Variants in NOL4 observed in about 807,000 individuals in gnomAD.
NOL4 encodes the protein cancer/testis antigen 125.
A neutral mutation model predicts 75.9 loss-of-function variants in NOL4; 17 were observed. The observed-to-expected ratio is 0.22, with a 90% CI of 0.15 to 0.34. The LOEUF (loss-of-function observed/expected upper bound fraction) is 0.34. NOL4 is among the 10% of genes least tolerant of loss of function. NOL4 has a pLI of 1.00. For synonymous variants in NOL4, 292 were observed against 289.9 expected (o/e 1.01, Z -0.07); for missense variants, 614 against 793.5 (o/e 0.77, Z 2.72).
intron 9 of NOL4, among the ~76,000 whole-genome samples, chr18:33,937,304 A>C (rs1471269543): frequency 6.6e-6 from 1 of 152,118 alleles, no homozygotes; most frequent in Non-Finnish European, 1.5e-5. Context: ...GGAATAAAGT[A>C]TTTAACACAT....
Position 34,217,589 on chromosome 18 carries a change from G to A in NOL4, c.264+5401C>T, listed in dbSNP as rs557485778. Among the ~76,000 whole-genome samples the A allele has an allele frequency of 1.3e-3, 195 of 152,056 alleles. 1 individual carries two copies. The highest frequency in any genetic ancestry group is 1.7e-3 in the Non-Finnish European group (116 of 67,994). On this transcript the variant is annotated intron_variant, in intron 1 of 10. Coordinates refer to ENST00000261592, the MANE Select transcript of NOL4 (RefSeq NM_003787.5). ...GGCATGAGCCACCGCGCTTGACCTT[G>A]TATTTTAGCTCCGTGTTGCAATGTG...
At chr18:34,043,955 G>C (rs2076250738) in intron 5 of NOL4, among the ~76,000 whole-genome samples, 2 of 151,914 alleles carry the variant, frequency 1.3e-5, no homozygotes, top group African/African-American at 4.8e-5. Flanking sequence ...CTCTCTCATG[G>C]GATAAATAAA....
intron 9 of NOL4, among the ~76,000 whole-genome samples, chr18:33,892,482 G>A (rs1451689773): frequency 6.6e-6 from 1 of 152,048 alleles, no homozygotes; most frequent in South Asian, 2.1e-4. Flanking sequence ...TCATCATTAT[G>A]AGTTCCCAAA....
intron 2 of NOL4, among the ~76,000 whole-genome samples, chr18:34,107,961 T>A (rs2079389171): frequency 6.6e-6 from 1 of 152,144 alleles, no homozygotes; most frequent in South Asian, 2.1e-4. Flanking sequence ...ATTATATATG[T>A]CAACTCTCCC....
At chr18:34,169,166 ATTG>A (rs1265650956) in intron 1 of NOL4, among the ~76,000 whole-genome samples, 2 of 151,990 alleles carry the variant, frequency 1.3e-5, no homozygotes, top group South Asian at 2.1e-4. Context: ...TATGATTTTT[ATTG>A]TTATTTTCTA....
At chr18:34,061,161 T>G (rs2077049774) in intron 5 of NOL4, among the ~76,000 whole-genome samples, 2 of 152,152 alleles carry the variant, frequency 1.3e-5, no homozygotes, top group Admixed American at 1.3e-4. Context: ...TTATAAGATA[T>G]AAAAATGTAA....
intron 1 of NOL4, among the ~76,000 whole-genome samples, chr18:34,132,607 G>A (rs1290269088): frequency 6.6e-6 from 1 of 152,086 alleles, no homozygotes; most frequent in Non-Finnish European, 1.5e-5. Flanking sequence ...TGCCTTCAGA[G>A]GTTAGGTCTA....
intron 1 of NOL4, among the ~76,000 whole-genome samples, chr18:34,175,003 GA>G (rs2033410872): frequency 6.6e-6 from 1 of 152,134 alleles, no homozygotes; most frequent in Non-Finnish European, 1.5e-5. Flanking sequence ...TCTAGAACTA[GA>G]AATACCATTT....
chr18:33,968,554 T>C (rs187731186), intron 6 of NOL4, among the ~76,000 whole-genome samples: 32 of 152,276 alleles, frequency 2.1e-4, no homozygotes, highest in Middle Eastern at 3.4e-3. Context: ...TCAACACTTA[T>C]AAGGGAATAT....
chr18:34,165,778 A>G (rs1195551237), intron 1 of NOL4, among the ~76,000 whole-genome samples: 2 of 152,010 alleles, frequency 1.3e-5, no homozygotes, highest in Admixed American at 6.6e-5. Context: ...ACCAGAGGTG[A>G]TTCTTTTTTT....
chr18:34,191,629 T>G (rs919811212), intron 1 of NOL4, among the ~76,000 whole-genome samples: 2 of 152,130 alleles, frequency 1.3e-5, no homozygotes, highest in Non-Finnish European at 1.5e-5. Context: ...AAAGACTGTT[T>G]TATTCTTTTA....
intron 9 of NOL4, among the ~76,000 whole-genome samples, chr18:33,901,236 A>AT (rs960105890): frequency 3.3e-5 from 5 of 152,072 alleles, no homozygotes; most frequent in East Asian, 3.9e-4. Flanking sequence ...TGTTTATGTG[A>AT]TTTTTTTGAC....
rs532445797 is a variant in NOL4 at position 34,054,396 on chromosome 18, G to A, written c.773-34795C>T. Among the ~76,000 whole-genome samples the A allele has an allele frequency of 2.0e-4, 31 of 151,868 alleles. No individual in the cohort carries two copies. In the Middle Eastern group the frequency reaches 0.021, roughly 101 times the overall value. The stretch of plus-strand genomic sequence containing the variant: ...TTGGGAACTCTGATATTGGGTGCAC[G>A]AATATTTATAAAATATTATATATTT... On this transcript the variant is annotated intron_variant, in intron 5 of 10. Coordinates refer to ENST00000261592, the MANE Select transcript of NOL4 (RefSeq NM_003787.5).
intron 5 of NOL4, among the ~76,000 whole-genome samples, chr18:34,079,916 A>C (rs577284864): frequency 2.0e-5 from 3 of 152,228 alleles, no homozygotes; most frequent in African/African-American, 7.2e-5. Context: ...AAGCCAAGCA[A>C]TTGATTGTTG....
At chr18:33,922,530 G>C (rs1027646085) in intron 9 of NOL4, among the ~76,000 whole-genome samples, 6 of 152,130 alleles carry the variant, frequency 3.9e-5, no homozygotes, top group African/African-American at 1.4e-4. Context: ...CTAGCACTTA[G>C]TCTTGCAGTC....
intron 9 of NOL4, among the ~76,000 whole-genome samples, chr18:33,919,670 T>C (rs1312377655): frequency 6.6e-6 from 1 of 152,186 alleles, no homozygotes; most frequent in Non-Finnish European, 1.5e-5. Context: ...AAGAAGCAGC[T>C]CCTTAGTAAC....
At chr18:34,083,717 C>G (rs773988072) in intron 5 of NOL4, among the ~76,000 whole-genome samples, 4 of 152,146 alleles carry the variant, frequency 2.6e-5, no homozygotes, top group Non-Finnish European at 4.4e-5. Context: ...GTCTTTTATG[C>G]TGTCTTCTTA....
intron 5 of NOL4, among the ~76,000 whole-genome samples, chr18:34,086,024 A>C (rs1317037621): frequency 6.6e-6 from 1 of 152,100 alleles, no homozygotes; most frequent in Non-Finnish European, 1.5e-5. Context: ...ATTATTATAC[A>C]ATTATTTATA....
chr18:33,953,761 G>C (rs2069424080), intron 8 of NOL4, among the ~76,000 whole-genome samples: 1 of 152,118 alleles, frequency 6.6e-6, no homozygotes, highest in African/African-American at 2.4e-5. Flanking sequence ...CTGACATTTG[G>C]AATTAAATAC....
Sources: allele counts gnomAD v4.1 joint callset (sites outside exome capture counted in the v4.1 genomes callset), GRCh38; gene constraint gnomAD v4.1.1; transcripts MANE v1.5; gene names NCBI Gene and HGNC (gene_info 2026-07-23, HGNC 2026-07-21).